The following SNTB1 variants were observed in gnomAD, a reference collection of about 807,000 sequenced individuals.
SNTB1 encodes the protein syntrophin beta 1, also known as beta-1-syntrophin.
SNTB1 carries 36 observed loss-of-function variants against 48.9 expected under a neutral mutation model. The ratio of observed to expected loss-of-function variants is 0.74; its 90% CI spans 0.56 to 0.97. The LOEUF (loss-of-function observed/expected upper bound fraction) is 0.97, where lower values mean the gene tolerates loss of function less well. SNTB1 is among the 50% of genes least tolerant of loss of function. The pLI is 0.00. For synonymous variants in SNTB1, 299 were observed against 294.6 expected, an observed-to-expected ratio of 1.01 and a Z score of -0.15; for missense variants, 786 against 703.4, an observed-to-expected ratio of 1.12 and a Z score of -1.33.
chr8:120,745,896 C>T (rs1819117609), intron 1 of SNTB1, among the ~76,000 whole-genome samples: 1 of 152,190 alleles, frequency 6.6e-6, no homozygotes, highest in South Asian at 2.1e-4. Flanking sequence ...GTCATGCACC[C>T]TATTATTGCT....
chr8:120,601,455 G>A (rs1351311796), intron 3 of SNTB1, among the ~76,000 whole-genome samples: 1 of 152,132 alleles, frequency 6.6e-6, no homozygotes, highest in Non-Finnish European at 1.5e-5. Context: ...CCCCGTACCT[G>A]AGCCTAACCC....
intron 3 of SNTB1, among the ~76,000 whole-genome samples, chr8:120,622,945 A>G (rs1210560077): frequency 1.3e-5 from 2 of 152,214 alleles, no homozygotes; most frequent in Non-Finnish European, 2.9e-5. Flanking sequence ...CTTTACCTCT[A>G]TGGGAGACCA....
chr8:120,769,641 G>T (rs1020124165), intron 1 of SNTB1: 2 of 152,320 alleles, frequency 1.3e-5, no homozygotes, highest in Admixed American at 1.3e-4. Context: ...TGTACAGAGG[G>T]AGCTGCTCCA....
chr8:120,592,868 C>T (rs76274489), intron 3 of SNTB1, among the ~76,000 whole-genome samples: 9,203 of 152,072 alleles, frequency 0.061, 965 homozygotes, highest in African/African-American at 0.21. Context: ...GTAACAGGGC[C>T]GGTGAATCTG....
intron 3 of SNTB1, among the ~76,000 whole-genome samples, chr8:120,602,453 G>T (rs950650269): frequency 6.6e-6 from 1 of 152,200 alleles, no homozygotes; most frequent in Admixed American, 6.5e-5. Flanking sequence ...TGTCCAATCA[G>T]TTGAAGACCT....
At chr8:120,586,404 G>A (rs533192135) in intron 3 of SNTB1, among the ~76,000 whole-genome samples, 65 of 152,292 alleles carry the variant, frequency 4.3e-4, no homozygotes, top group Non-Finnish European at 6.9e-4. Flanking sequence ...GGTTCTTTCT[G>A]CAGGCCCTGG....
rs1254373300 is a variant in SNTB1, at chr8:120,561,322, AAAAAAAAAAAAAAAAAAAG to A, written c.1137-12383_1137-12365del. Among the ~76,000 whole-genome samples, 415 of 89,764 alleles carry A rather than the reference AAAAAAAAAAAAAAAAAAAG, an allele frequency of 4.6e-3. 3 individuals are homozygous for A. The highest frequency in any genetic ancestry group is 0.013 in the African/African-American group (384 of 29,480). 58.9% of individuals were successfully genotyped at this position (89,764 alleles called of 152,430 possible). The stretch of plus-strand genomic sequence containing the variant: ...GTGACAGAGTGAAACTCCATCTCAA[AAAAAAAAAAAAAAAAAAAG>A]AAAAAAAGAAAAAAAAGAAACTTGA... On this transcript the variant is annotated intron_variant, in intron 4 of 6. Coordinates refer to ENST00000517992, the MANE Select transcript of SNTB1 (RefSeq NM_021021.4).
At chr8:120,793,970 G>T (rs1466353701) in intron 1 of SNTB1, among the ~76,000 whole-genome samples, 1 of 152,000 alleles carries the variant, frequency 6.6e-6, no homozygotes, top group African/African-American at 2.4e-5. Context: ...TATAGATCAA[G>T]TGTGAATAAA....
At chr8:120,667,362 G>A (rs1817689534) in intron 2 of SNTB1, among the ~76,000 whole-genome samples, 1 of 152,100 alleles carries the variant, frequency 6.6e-6, no homozygotes, top group African/African-American at 2.4e-5. Flanking sequence ...CAATGGTTTT[G>A]TGGTCGTGGA....
chr8:120,729,140 G>C (rs761166443), intron 1 of SNTB1, among the ~76,000 whole-genome samples: 1 of 152,012 alleles, frequency 6.6e-6, no homozygotes, highest in Non-Finnish European at 1.5e-5. Flanking sequence ...CATTAGGCCC[G>C]GCTAATTTTT....
At chr8:120,720,212 C>A (rs1818635893) in intron 1 of SNTB1, among the ~76,000 whole-genome samples, 1 of 152,222 alleles carries the variant, frequency 6.6e-6, no homozygotes, top group Non-Finnish European at 1.5e-5. Flanking sequence ...CATATTAGAC[C>A]TTCCCTGGCA....
At chr8:120,611,845 A>G (rs1366415573) in intron 3 of SNTB1, among the ~76,000 whole-genome samples, 1 of 142,460 alleles carries the variant, frequency 7.0e-6, no homozygotes, top group Admixed American at 7.0e-5. Flanking sequence ...AAAAAAAAAA[A>G]GGCAGTGCCA....
chr8:120,577,810 G>T (rs542455589), intron 3 of SNTB1, among the ~76,000 whole-genome samples: 1 of 152,310 alleles, frequency 6.6e-6, no homozygotes, highest in Admixed American at 6.5e-5. Flanking sequence ...GGTATATGTA[G>T]GTTTAAATAG....
At chr8:120,578,824 A>C (rs1023233798) in intron 3 of SNTB1, among the ~76,000 whole-genome samples, 4 of 152,222 alleles carry the variant, frequency 2.6e-5, no homozygotes, top group Non-Finnish European at 4.4e-5. Context: ...AGTGGCTTCC[A>C]AACTCTTTAA....
chr8:120,697,992 A>C (rs930946300), intron 1 of SNTB1, among the ~76,000 whole-genome samples: 1 of 152,206 alleles, frequency 6.6e-6, no homozygotes, highest in Non-Finnish European at 1.5e-5. Flanking sequence ...AGAGATGAAC[A>C]GATGTGAAGG....
At chr8:120,616,493 T>TC (rs2130736835) in intron 3 of SNTB1, among the ~76,000 whole-genome samples, 2 of 151,006 alleles carry the variant, frequency 1.3e-5, no homozygotes, top group South Asian at 4.2e-4. Flanking sequence ...TTTTTTTTTT[T>TC]GTAAAAATGG....
At chr8:120,635,689 A>G (rs34204857) in intron 2 of SNTB1, 42,161 of 179,120 alleles carry the variant, frequency 0.24, 5,234 homozygotes, top group Middle Eastern at 0.27. Context: ...TCACTTTCAG[A>G]GTCAGCCTCA....
chr8:120,752,030 C>A (rs989341248), intron 1 of SNTB1, among the ~76,000 whole-genome samples: 3 of 152,126 alleles, frequency 2.0e-5, no homozygotes, highest in African/African-American at 7.2e-5. Context: ...TTTCTTCTTG[C>A]CCATAAACCT....
chr8:120,697,350 G>A (rs1264809771), intron 1 of SNTB1, among the ~76,000 whole-genome samples: 1 of 152,178 alleles, frequency 6.6e-6, no homozygotes, highest in Non-Finnish European at 1.5e-5. Flanking sequence ...AAAAAATAAG[G>A]TAGGTGTGAT....
Sources: gnomAD v4.1 joint callset for allele counts (sites outside exome capture counted in the v4.1 genomes callset) on GRCh38, gnomAD v4.1.1 for gene constraint, MANE v1.5 for transcripts, NCBI Gene and HGNC (gene_info 2026-07-23, HGNC 2026-07-21) for gene names.